ZNF420: variants seen among roughly 807,000 people sequenced by gnomAD.
The protein encoded by ZNF420 is ATM and p53-associated KZNF protein.
ZNF420 carries 31 observed loss-of-function variants against 44.7 expected under a neutral mutation model. The ratio of observed to expected loss-of-function variants is 0.69; its 90% CI spans 0.52 to 0.94. The LOEUF is 0.94. ZNF420 is among the 40% of genes least tolerant of loss of function. The pLI is 0.00. For synonymous variants in ZNF420, 245 were observed against 267.4 expected, an observed-to-expected ratio of 0.92 and a Z score of 0.82; for missense variants, 681 against 827.9, an observed-to-expected ratio of 0.82 and a Z score of 2.18.
At chr19:37,078,016 G>A (rs1365596027), upstream of ZNF420, 2 of 152,586 alleles carry the variant, frequency 1.3e-5, no homozygotes, top group Admixed American at 6.5e-5. Context: ...CACCCCAAGG[G>A]CCTGGGAGGG....
rs201890359 is a variant in ZNF420 at position 37,128,773 on chromosome 19, G to C, written c.1782G>C (p.Lys594Asn). The C allele has an allele frequency of 2.2e-5, 36 of 1,611,702 alleles. No individual in the cohort carries two copies. In the East Asian group the frequency reaches 7.8e-4, roughly 35 times the overall value. ...CCTATGAATGCAAGGAGTGTGGCAA[G>C]GCCTTTAGTCATGGCTCTCAGCTTA... ...EKPYECKECG[K>N]AFSHGSQLTL... The change falls in exon 5 of 5, where the codon AAG becomes AAC. Residue 594 changes from lysine (K) to asparagine (N), a missense_variant. This residue lies in a region of ZNF420 where 280 missense variants were observed against 338.6 expected (regional missense o/e 0.83). Transcript: ENST00000337995.
At chr19:37,089,725 A>G (rs1204999895) in intron 3 of ZNF420, among the ~76,000 whole-genome samples, 1 of 152,212 alleles carries the variant, frequency 6.6e-6, no homozygotes, top group East Asian at 1.9e-4. Flanking sequence ...ACATTTACGG[A>G]TGAATGGTAA....
At chr19:37,116,066 G>C (rs1260254832) in intron 4 of ZNF420, among the ~76,000 whole-genome samples, 1 of 152,156 alleles carries the variant, frequency 6.6e-6, no homozygotes, top group East Asian at 1.9e-4. Context: ...TCTCAAGGCA[G>C]AGGAATTTTT....
chr19:37,033,339 T>C (rs1967296095), intron 1 of ZNF420, among the ~76,000 whole-genome samples: 1 of 152,218 alleles, frequency 6.6e-6, no homozygotes, highest in South Asian at 2.1e-4. Flanking sequence ...ACTGAAACTC[T>C]GTACCCTTTA....
chr19:37,042,417 A>G (rs1260510263), intron 1 of ZNF420, among the ~76,000 whole-genome samples: 1 of 152,266 alleles, frequency 6.6e-6, no homozygotes, highest in Non-Finnish European at 1.5e-5. Context: ...CTTGAGAACT[A>G]CAAACTAGAA....
Position 37,127,657 on chromosome 19 carries a change from A to T in ZNF420, c.666A>T (p.Pro222=). 6.2e-7 allele frequency: 1 copy of T among 1,613,488 alleles called. No individual in the cohort carries two copies. Among genetic ancestry groups the T allele is most frequent in the Non-Finnish European group, 8.5e-7 (1 of 1,179,768 alleles). The stretch of plus-strand genomic sequence containing the variant: ...ATAGAATTCATACTGGTGAAAAACC[A>T]TATAAATGTGAAGAATGTGGGAAAG... ...LHHRIHTGEK[P]YKCEECGKAF... is the part of the protein sequence containing the mutation. Residue 222 remains proline (P), a synonymous_variant, in exon 5 of 5, where the codon CCA becomes CCT. Transcript: ENST00000337995.
chr19:37,130,197 G>T lies in ZNF420; in HGVS notation c.*1139G>T, dbSNP rs1309837605. 1 of 1,549,838 alleles carries T rather than the reference G, an allele frequency of 6.5e-7. No homozygotes were observed. Among genetic ancestry groups the T allele is most frequent in the Admixed American group, 2.0e-5 (1 of 50,846 alleles). ...TTGAGAATGGTATCTGGGTGTTATG[G>T]ATCATGGAGCAGAAATACAGAAGGA... On this transcript the variant is annotated 3_prime_UTR_variant, in exon 5 of 5. Coordinates refer to ENST00000337995, the MANE Select transcript of ZNF420 (RefSeq NM_144689.5).
At chr19:37,013,671 T>TG (rs2074588777) in intron 1 of ZNF420, among the ~76,000 whole-genome samples, 1 of 152,114 alleles carries the variant, frequency 6.6e-6, no homozygotes, top group Non-Finnish European at 1.5e-5. Flanking sequence ...AGGGCCTCTC[T>TG]GGGGCACAGA....
intron 4 of ZNF420, among the ~76,000 whole-genome samples, chr19:37,119,534 G>T (rs1450940008): frequency 1.3e-5 from 2 of 151,986 alleles, no homozygotes; most frequent in Non-Finnish European, 2.9e-5. Context: ...GATTCAAAAT[G>T]GACACCCTAA....
chr19:37,012,765 TCTGTGTG>T (rs1402194675), intron 1 of ZNF420, among the ~76,000 whole-genome samples: 1 of 710 alleles, frequency 1.4e-3, no homozygotes, highest in Non-Finnish European at 4.5e-3. Flanking sequence ...GCTATATGTC[TCTGTGTG>T]TGTGTGTGTG....
intron 1 of ZNF420, among the ~76,000 whole-genome samples, chr19:37,038,598 T>C (rs551568922): frequency 6.6e-6 from 1 of 152,190 alleles, no homozygotes; most frequent in Non-Finnish European, 1.5e-5. Flanking sequence ...CAGGAGTAGA[T>C]TCCATCTCAA....
chr19:37,080,029 A>G (rs1264858919), intron 1 of ZNF420, among the ~76,000 whole-genome samples: 3 of 152,106 alleles, frequency 2.0e-5, no homozygotes, highest in Admixed American at 2.0e-4. Flanking sequence ...TGGAAATATA[A>G]TGGGACTCCA....
intron 1 of ZNF420, among the ~76,000 whole-genome samples, chr19:37,010,121 G>A (rs2074557468): frequency 6.6e-6 from 1 of 152,202 alleles, no homozygotes; most frequent in South Asian, 2.1e-4. Context: ...TCCCACAGTT[G>A]CCTGAGAAAC....
chr19:37,045,045 A>G (rs914962931), intron 1 of ZNF420, among the ~76,000 whole-genome samples: 5 of 152,228 alleles, frequency 3.3e-5, no homozygotes, highest in African/African-American at 1.2e-4. Context: ...ATAGACTGCT[A>G]CTATGCATTA....
At chr19:37,071,088 C>T (rs866371870) in intron 1 of ZNF420, among the ~76,000 whole-genome samples, 1 of 152,174 alleles carries the variant, frequency 6.6e-6, no homozygotes, top group Non-Finnish European at 1.5e-5. Flanking sequence ...AGTTTGATGA[C>T]CCTTGCCCTA....
chr19:37,021,663 G>A (rs1217617985), intron 1 of ZNF420, among the ~76,000 whole-genome samples: 1 of 151,970 alleles, frequency 6.6e-6, no homozygotes, highest in Non-Finnish European at 1.5e-5. Flanking sequence ...TGTAGGCCAG[G>A]AGCAGTGGCT....
chr19:37,013,585 T>G (rs1303331637), intron 1 of ZNF420, among the ~76,000 whole-genome samples: 1 of 152,168 alleles, frequency 6.6e-6, no homozygotes, highest in Non-Finnish European at 1.5e-5. Flanking sequence ...AGATGGAATC[T>G]CCGGACTCCC....
chr19:37,063,087 G>GATCT (rs1967904863), intron 1 of ZNF420, among the ~76,000 whole-genome samples: 1 of 113,410 alleles, frequency 8.8e-6, no homozygotes, highest in South Asian at 2.6e-4. Flanking sequence ...TTCACTCTTC[G>GATCT]ATCTATCCAT....
intron 4 of ZNF420, among the ~76,000 whole-genome samples, chr19:37,095,139 A>G (rs915472148): frequency 6.6e-6 from 1 of 152,068 alleles, no homozygotes; most frequent in African/African-American, 2.4e-5. Context: ...CAAAAAAAAA[A>G]AAAAAAAAGA....
Sources: gnomAD v4.1 joint callset for allele counts (sites outside exome capture counted in the v4.1 genomes callset) on GRCh38, gnomAD v4.1.1 for gene constraint, gnomAD v4.1.1 regional missense constraint, MANE v1.5 for transcripts, NCBI Gene and HGNC (gene_info 2026-07-23, HGNC 2026-07-21) for gene names.